KCNH5: variants seen among roughly 807,000 people sequenced by gnomAD.
The protein encoded by KCNH5 is potassium voltage-gated channel subfamily H member 5, also known as voltage-gated delayed rectifier potassium channel KCNH5.
KCNH5 carries 46 observed loss-of-function variants against 96.1 expected under a neutral mutation model. That is an observed-to-expected ratio of 0.48 (90% CI 0.38 to 0.61). KCNH5 has a LOEUF of 0.61. Among genes scored for constraint, KCNH5 ranks in the 20% least tolerant of loss-of-function variants. KCNH5 has a pLI of 0.00. For synonymous variants in KCNH5, 439 were observed against 449.8 expected (o/e 0.98, Z 0.30); for missense variants, 907 against 1,225.8 (o/e 0.74, Z 3.88).
chr14:62,894,526 C>A (rs143309480), intron 7 of KCNH5, among the ~76,000 whole-genome samples: 6 of 152,324 alleles, frequency 3.9e-5, no homozygotes, highest in Admixed American at 3.3e-4. Context: ...ATGAATTAAT[C>A]CAGGTTTCTT....
At chr14:62,879,543 G>A (rs1386895702) in intron 7 of KCNH5, among the ~76,000 whole-genome samples, 1 of 152,022 alleles carries the variant, frequency 6.6e-6, no homozygotes, top group Non-Finnish European at 1.5e-5. Flanking sequence ...CAGTGTAAAG[G>A]TAAATCTACA....
intron 1 of KCNH5, among the ~76,000 whole-genome samples, chr14:63,042,136 T>C (rs1891836251): frequency 6.6e-6 from 1 of 151,898 alleles, no homozygotes; most frequent in South Asian, 2.1e-4. Context: ...TCTCTCTCTC[T>C]CCCACCCCAC....
intron 7 of KCNH5, among the ~76,000 whole-genome samples, chr14:62,907,319 G>GCC (rs1889049057): frequency 6.6e-6 from 1 of 152,176 alleles, no homozygotes; most frequent in Non-Finnish European, 1.5e-5. Context: ...TTACAGGGAA[G>GCC]CAAGATAGAT....
chr14:62,943,293 T>C (rs916727248), intron 7 of KCNH5, among the ~76,000 whole-genome samples: 1 of 152,294 alleles, frequency 6.6e-6, no homozygotes, highest in South Asian at 2.1e-4. Flanking sequence ...AAGAGGATTT[T>C]TAAAAACATA....
intron 6 of KCNH5, among the ~76,000 whole-genome samples, chr14:62,973,012 G>T (rs748061802): frequency 6.6e-6 from 1 of 152,140 alleles, no homozygotes; most frequent in Non-Finnish European, 1.5e-5. Context: ...TCAACTTTGG[G>T]TGATAATGAT....
At chr14:62,888,096 G>T (rs568512587) in intron 7 of KCNH5, among the ~76,000 whole-genome samples, 2 of 152,220 alleles carry the variant, frequency 1.3e-5, no homozygotes, top group East Asian at 3.9e-4. Context: ...CAAGACTGAG[G>T]CTCTGCAGGT....
chr14:62,914,055 G>A (rs1440363018), intron 7 of KCNH5, among the ~76,000 whole-genome samples: 1 of 152,160 alleles, frequency 6.6e-6, no homozygotes, highest in African/African-American at 2.4e-5. Context: ...ATTTTCAGGA[G>A]TAAATGAACA....
At chr14:62,938,888 T>C (rs1889735090) in intron 7 of KCNH5, among the ~76,000 whole-genome samples, 1 of 152,254 alleles carries the variant, frequency 6.6e-6, no homozygotes, top group Non-Finnish European at 1.5e-5. Flanking sequence ...AGAGAAATTC[T>C]ATGTCTATGT....
At chr14:62,989,207 A>C (rs1276196024) in intron 4 of KCNH5, among the ~76,000 whole-genome samples, 2 of 152,012 alleles carry the variant, frequency 1.3e-5, no homozygotes, top group Non-Finnish European at 2.9e-5. Context: ...TCTAAAACAC[A>C]TGCCTTTTAC....
chr14:62,943,483 T>G (rs1889828226), intron 7 of KCNH5, among the ~76,000 whole-genome samples: 1 of 152,108 alleles, frequency 6.6e-6, no homozygotes, highest in Non-Finnish European at 1.5e-5. Context: ...ATTATGTAAA[T>G]AAAATGGATT....
chr14:62,974,565 A>G (rs1183575073), intron 6 of KCNH5, among the ~76,000 whole-genome samples: 2 of 152,206 alleles, frequency 1.3e-5, no homozygotes, highest in African/African-American at 2.4e-5. Flanking sequence ...TTAAAGAATC[A>G]CATATTCAGT....
At chr14:62,895,534 T>C (rs192772293) in intron 7 of KCNH5, among the ~76,000 whole-genome samples, 314 of 152,286 alleles carry the variant, frequency 2.1e-3, no homozygotes, top group Non-Finnish European at 3.8e-3. Context: ...GGTTTCACTA[T>C]GTTGTCCAGG....
intron 7 of KCNH5, among the ~76,000 whole-genome samples, chr14:62,903,776 T>C (rs749399003): frequency 1.2e-4 from 18 of 152,148 alleles, no homozygotes; most frequent in Non-Finnish European, 2.1e-4. Flanking sequence ...TGAATAGATA[T>C]AGATGAAAGA....
At chr14:62,775,497 G>A (rs1886077253) in intron 10 of KCNH5, among the ~76,000 whole-genome samples, 1 of 152,114 alleles carries the variant, frequency 6.6e-6, no homozygotes, top group Non-Finnish European at 1.5e-5. Context: ...ATCCCCACAA[G>A]GCAATGTCCT....
chr14:62,707,170 A>G lies in KCNH5; in HGVS notation c.*338T>C, dbSNP rs1884449914. The stretch of plus-strand genomic sequence containing the variant: ...GATATACATACTCAGCCTGAGATCA[A>G]ATTTGTCATGGCAACATTGGCAGGT... On this transcript the variant is annotated 3_prime_UTR_variant, in exon 11 of 11. Coordinates refer to ENST00000322893, the MANE Select transcript of KCNH5 (RefSeq NM_139318.5). The G allele has an allele frequency of 6.4e-6, 1 of 156,472 alleles. No individual in the cohort carries two copies. Among genetic ancestry groups the G allele is most frequent in the Non-Finnish European group, 1.4e-5 (1 of 71,054 alleles). The allele number at this position is 156,472 out of a possible 1,614,324, so 9.7% of individuals were successfully genotyped here.
At chr14:63,028,289 TCACTACC>T (rs1472981580) in intron 1 of KCNH5, among the ~76,000 whole-genome samples, 1 of 152,116 alleles carries the variant, frequency 6.6e-6, no homozygotes, top group Non-Finnish European at 1.5e-5. Context: ...GGTCCAGCTA[TCACTACC>T]CATCTGTTAA....
chr14:62,876,401 G>T (rs1034526106), intron 7 of KCNH5, among the ~76,000 whole-genome samples: 1 of 152,142 alleles, frequency 6.6e-6, no homozygotes, highest in Admixed American at 6.6e-5. Context: ...CAATTAGAAA[G>T]GTGACGTATA....
chr14:62,948,439 C>T (rs1279986695), intron 7 of KCNH5, among the ~76,000 whole-genome samples: 1 of 152,046 alleles, frequency 6.6e-6, no homozygotes, highest in East Asian at 1.9e-4. Context: ...GACACATACA[C>T]TCTCCCAAGA....
intron 6 of KCNH5, among the ~76,000 whole-genome samples, chr14:62,960,648 C>T (rs1890189581): frequency 6.6e-6 from 1 of 152,042 alleles, no homozygotes; most frequent in Non-Finnish European, 1.5e-5. Context: ...ATTTCCATTT[C>T]CTTTTGTAGA....
Sources: gnomAD v4.1 joint callset for allele counts (sites outside exome capture counted in the v4.1 genomes callset) on GRCh38, gnomAD v4.1.1 for gene constraint, MANE v1.5 for transcripts, NCBI Gene and HGNC (gene_info 2026-07-23, HGNC 2026-07-21) for gene names.